The following TPCN2 variants were observed in gnomAD, a reference collection of about 807,000 sequenced individuals.
TPCN2 encodes the protein two pore channel protein 2.
A neutral mutation model predicts 111.4 loss-of-function variants in TPCN2; 92 were observed. That is an observed-to-expected ratio of 0.83 (90% CI 0.70 to 0.98). The LOEUF (loss-of-function observed/expected upper bound fraction) is 0.98. Ranked by LOEUF, TPCN2 falls within the 50% of genes least tolerant of loss-of-function variation. The pLI, the probability that TPCN2 is intolerant of heterozygous loss-of-function variation, is 0.00. For missense variants in TPCN2, 995 were observed against 980.1 expected, an observed-to-expected ratio of 1.02 and a Z score of -0.20; for synonymous variants, 405 against 414.5, an observed-to-expected ratio of 0.98 and a Z score of 0.28.
intron 1 of TPCN2, among the ~76,000 whole-genome samples, chr11:69,053,185 C>T (rs1388356393): frequency 6.6e-6 from 1 of 152,216 alleles, no homozygotes; most frequent in Admixed American, 6.5e-5. Context: ...TAGTCAGGAG[C>T]CACTGCCGCT....
chr11:69,064,114 C>T, intron 7 of TPCN2, 147 bp downstream of exon 7: 1 of 785,792 alleles, frequency 1.3e-6, no homozygotes, highest in Non-Finnish European at 2.1e-6. Flanking sequence ...GTCCAGGAGT[C>T]TGCCTTTGGG....
rs1856157864 is a variant in TPCN2, at chr11:69,084,019, G to A, written c.1761+3G>A. On this transcript the variant is annotated splice_donor_region_variant and intron_variant, in intron 19 of 24. Transcript: ENST00000294309. ...GTGCGTTTGGCGGGATCCTGGTGGTGAGTCCCAGGCTGCTGCTGGTGGCGG... is the reference window on the plus strand; with the variant it reads ...GTGCGTTTGGCGGGATCCTGGTGGTAAGTCCCAGGCTGCTGCTGGTGGCGG... The A allele has an allele frequency of 7.4e-6, 12 of 1,614,098 alleles. No individual in the cohort carries two copies. In the East Asian group the frequency reaches 2.7e-4, roughly 36 times the overall value.
intron 1 of TPCN2, among the ~76,000 whole-genome samples, chr11:69,053,342 G>T (rs1861319434): frequency 6.6e-6 from 1 of 152,220 alleles, no homozygotes; most frequent in Non-Finnish European, 1.5e-5. Context: ...GGGTGGGCTT[G>T]CCTGGGCCCA....
At chr11:69,066,622 C>T (rs2134566518) in intron 7 of TPCN2, among the ~76,000 whole-genome samples, 1 of 152,344 alleles carries the variant, frequency 6.6e-6, no homozygotes, top group South Asian at 2.1e-4. Flanking sequence ...ATCACAGGTG[C>T]CTCCATGCCA....
At chr11:69,054,874 C>A in intron 3 of TPCN2, 77 bp downstream of exon 3, 1 of 1,448,474 alleles carries the variant, frequency 6.9e-7, no homozygotes, top group South Asian at 1.2e-5. Context: ...ACCTGGGGAT[C>A]ACCTGGTCTC....
chr11:69,061,770 G>A (rs1855030984), intron 5 of TPCN2, among the ~76,000 whole-genome samples: 1 of 152,122 alleles, frequency 6.6e-6, no homozygotes, highest in Admixed American at 6.5e-5. Flanking sequence ...TGGAAGCTGT[G>A]AGAACACTGG....
intron 7 of TPCN2, among the ~76,000 whole-genome samples, chr11:69,066,652 C>T (rs1172965178): frequency 6.6e-6 from 1 of 152,202 alleles, no homozygotes; most frequent in African/African-American, 2.4e-5. Context: ...TGCGGGGTTG[C>T]CCCTTGGCCA....
At chr11:69,087,227 CT>C in intron 24 of TPCN2, 21 bp downstream of exon 24, 1 of 1,607,932 alleles carries the variant, frequency 6.2e-7, no homozygotes, top group Non-Finnish European at 8.5e-7. Flanking sequence ...GGGGAAGGCG[CT>C]TCTGTCTGGC....
At position 69,072,699 on chromosome 11, in the gene TPCN2, C is replaced by G. The variant is rs768705098; in HGVS notation, c.1134C>G (p.Ala378=). The change falls in exon 12 of 25, where the codon GCC becomes GCG. Residue 378 remains alanine (A), a synonymous_variant. Transcript: ENST00000294309. ...AGCTGGACAGCTCCCACAAACAGGC[C>G]ATGATGGAGGTACCCGCCCCCTGCT... The part of the protein sequence containing the change: ...KVQLDSSHKQ[A]MMEKVRSYGS... 1 of 1,613,766 alleles carries G rather than the reference C, an allele frequency of 6.2e-7. No individual in the cohort carries two copies. Among genetic ancestry groups the G allele is most frequent in the Admixed American group, 1.7e-5 (1 of 60,022 alleles).
chr11:69,082,249 ACAAT>A (rs1374094557), intron 18 of TPCN2, among the ~76,000 whole-genome samples: 2 of 152,356 alleles, frequency 1.3e-5, no homozygotes, highest in Admixed American at 6.5e-5. Flanking sequence ...CCATACAAGC[ACAAT>A]CATACATATA....
intron 20 of TPCN2, 121 bp from the exon 21 acceptor site, chr11:69,085,550 C>A: frequency 1.3e-6 from 1 of 772,678 alleles, no homozygotes; most frequent in Middle Eastern, 3.7e-4. Context: ...CTCTGAGCCT[C>A]TGTATCCCAA....
Position 69,063,904 on chromosome 11 carries a change from G to A in TPCN2, c.663G>A (p.Leu221=), listed in dbSNP as rs1476303855. 1 of 1,614,020 alleles carries A rather than the reference G, an allele frequency of 6.2e-7. No homozygotes were observed. The highest frequency in any genetic ancestry group is 8.5e-7 in the Non-Finnish European group (1 of 1,179,976). ...CCGTGCTCTCCCCCAGCGTCGGGCT[G>A]CTGCTGGCCATCCACCTGTGCCTCT... ...WSLPEMASVG[L]LLAIHLCLFT... The change falls in exon 7 of 25, where the codon CTG becomes CTA. Residue 221 remains leucine, a synonymous_variant. Coordinates refer to ENST00000294309, the MANE Select transcript of TPCN2 (RefSeq NM_139075.4).
chr11:69,054,698 C>T (rs1372481155), intron 2 of TPCN2, 23 bp from the exon 3 acceptor site: 1 of 1,613,138 alleles, frequency 6.2e-7, no homozygotes, highest in South Asian at 1.1e-5. Flanking sequence ...CATGTCATGC[C>T]TCATGTGACT....
chr11:69,086,467 C>G, intron 22 of TPCN2, 56 bp from the exon 23 acceptor site: 1 of 1,460,840 alleles, frequency 6.8e-7, no homozygotes, highest in Non-Finnish European at 9.6e-7. Flanking sequence ...GTGTTTGTAT[C>G]GAGTGCTCTT....
intron 8 of TPCN2, among the ~76,000 whole-genome samples, chr11:69,068,750 G>C (rs1357867254): frequency 1.1e-5 from 1 of 91,754 alleles, no homozygotes; most frequent in Non-Finnish European, 2.3e-5. Context: ...AGGACCGTCT[G>C]AGTCCTAGGA....
rs1236427580 is a variant in TPCN2 at position 69,085,223 on chromosome 11, T to G, written c.1775T>G (p.Val592Gly). Residue 592 changes from valine to glycine, a missense_variant, in exon 20 of 25, where the codon GTA (valine) becomes GGA (glycine). Val to Gly is a moderately radical substitution (Grantham distance 109). Coordinates refer to ENST00000294309, the MANE Select transcript of TPCN2 (RefSeq NM_139075.4). ...CTGGCCCGCCAGGTGGTCTACTACG[T>G]ATTTGCCATCATTGGGATCAACTTG... ...FGGILVVVYY[V>G]FAIIGINLFR... 1.9e-6 allele frequency: 3 copies of G among 1,614,034 alleles called. No homozygotes were observed. The South Asian group carries it at 3.3e-5, about 18-fold the overall frequency.
intron 1 of TPCN2, among the ~76,000 whole-genome samples, chr11:69,050,903 C>T (rs181010870): frequency 1.9e-4 from 29 of 152,336 alleles, no homozygotes; most frequent in Admixed American, 1.1e-3. Flanking sequence ...AGGAGGCTCT[C>T]GGGGAGCGCT....
Position 69,054,114 on chromosome 11 carries a change from C to G in TPCN2, c.174+17C>G. On this transcript the variant is annotated intron_variant, in intron 2 of 24. Transcript: ENST00000294309. ...GCTATTCAGGTCGGTGGCACCTGCTCCCTGTGGCCGGGCCTGGGGGGTGGC... is the reference window on the plus strand; with the variant it reads ...GCTATTCAGGTCGGTGGCACCTGCTGCCTGTGGCCGGGCCTGGGGGGTGGC... The G allele has an allele frequency of 6.2e-7, 1 of 1,610,474 alleles. No homozygotes were observed. Among genetic ancestry groups the G allele is most frequent in the Non-Finnish European group, 8.5e-7 (1 of 1,178,734 alleles).
chr11:69,072,968 C>T lies in TPCN2; in HGVS notation c.1197C>T (p.Leu399=). 1.2e-6 allele frequency: 2 copies of T among 1,613,962 alleles called. No homozygotes were observed. The highest frequency in any genetic ancestry group is 1.7e-6 in the Non-Finnish European group (2 of 1,179,932). ...VLLSAEEFQK[L]FNELDRSVVK... ...TCTCAGCTGAGGAGTTTCAGAAGCT[C>T]TTCAACGAGCTTGACAGAAGTGTGG... is the stretch of plus-strand genomic sequence containing the variant. Residue 399 remains leucine (L), a synonymous_variant, in exon 13 of 25, where the codon CTC becomes CTT. Coordinates refer to ENST00000294309, the MANE Select transcript of TPCN2 (RefSeq NM_139075.4).
Sources: allele counts gnomAD v4.1 joint callset (sites outside exome capture counted in the v4.1 genomes callset), GRCh38; gene constraint gnomAD v4.1.1; transcripts MANE v1.5; gene names NCBI Gene and HGNC (gene_info 2026-07-23, HGNC 2026-07-21).